Variants in TRPC4 observed in about 807,000 individuals in gnomAD.
TRPC4 encodes the protein transient receptor potential cation channel subfamily C member 4, also known as short transient receptor potential channel 4.
TRPC4 carries 49 observed loss-of-function variants against 99.4 expected under a neutral mutation model. That is an observed-to-expected ratio of 0.49 (90% CI 0.39 to 0.63). The LOEUF is 0.63. Ranked by LOEUF, TRPC4 falls within the 20% of genes least tolerant of loss-of-function variation. The pLI, the probability that TRPC4 is intolerant of heterozygous loss-of-function variation, is 0.00. For missense variants in TRPC4, 898 were observed against 1,152.9 expected, an observed-to-expected ratio of 0.78 and a Z score of 3.20; for synonymous variants, 454 against 425.9, an observed-to-expected ratio of 1.07 and a Z score of -0.81.
At chr13:37,801,191 A>G (rs993444164) in intron 1 of TRPC4, among the ~76,000 whole-genome samples, 20 of 152,206 alleles carry the variant, frequency 1.3e-4, no homozygotes, top group Non-Finnish European at 2.2e-4. Flanking sequence ...AAAGTTTTCT[A>G]AAATTGTTTT....
intron 1 of TRPC4, among the ~76,000 whole-genome samples, chr13:37,842,770 A>G (rs911039421): frequency 6.6e-6 from 1 of 152,190 alleles, no homozygotes; most frequent in African/African-American, 2.4e-5. Context: ...CAGGGTTAAG[A>G]TTTCAGCATA....
chr13:37,726,925 G>A (rs1955085455), intron 3 of TRPC4, among the ~76,000 whole-genome samples: 1 of 152,048 alleles, frequency 6.6e-6, no homozygotes, highest in Non-Finnish European at 1.5e-5. Context: ...CCTGATGATA[G>A]TTCATGAAAA....
intron 3 of TRPC4, among the ~76,000 whole-genome samples, chr13:37,715,326 G>A (rs1954622909): frequency 6.6e-6 from 1 of 152,148 alleles, no homozygotes; most frequent in Non-Finnish European, 1.5e-5. Context: ...AATCAACAAA[G>A]TAATGCATCT....
At chr13:37,774,864 T>C (rs148572695) in intron 2 of TRPC4, among the ~76,000 whole-genome samples, 371 of 151,900 alleles carry the variant, frequency 2.4e-3, no homozygotes, top group African/African-American at 8.2e-3. Flanking sequence ...AATCATAATA[T>C]GTATTTTCAT....
At chr13:37,817,453 A>G (rs893614287) in intron 1 of TRPC4, among the ~76,000 whole-genome samples, 1 of 152,024 alleles carries the variant, frequency 6.6e-6, no homozygotes, top group Non-Finnish European at 1.5e-5. Flanking sequence ...TATTGCCCAA[A>G]GCAAGTTATA....
chr13:37,720,357 G>A (rs1281606342), intron 3 of TRPC4, among the ~76,000 whole-genome samples: 10 of 152,110 alleles, frequency 6.6e-5, no homozygotes, highest in African/African-American at 2.2e-4. Context: ...ATCCTAGAAC[G>A]AAAGAGAATG....
At chr13:37,646,845 C>A (rs549812565) in intron 8 of TRPC4, among the ~76,000 whole-genome samples, 1 of 152,308 alleles carries the variant, frequency 6.6e-6, no homozygotes, top group East Asian at 1.9e-4. Context: ...GGATAGGCTG[C>A]CTTTTTCGTG....
In TRPC4 at chr13:37,655,095, A is replaced by T; in HGVS notation, c.1877T>A (p.Leu626Gln). ...LIAMMNNSYQLIADHADIEWK... is the reference protein window; with the variant it reads ...LIAMMNNSYQQIADHADIEWK... ...TAAAGCTGGTCAACTTACAGCAATC[A>T]GTTGGTAAGAATTATTCATCATAGC... The change falls in exon 7 of 11, where the codon CTG becomes CAG. Residue 626 changes from leucine (L) to glutamine (Q), a missense_variant. Transcript: ENST00000379705. 2 of 1,530,846 alleles carry T rather than the reference A, an allele frequency of 1.3e-6. No homozygotes were observed. Among genetic ancestry groups the T allele is most frequent in the Non-Finnish European group, 8.8e-7 (1 of 1,133,290 alleles). The allele number at this position is 1,530,846 out of a possible 1,614,324, so 94.8% of individuals were successfully genotyped here. A position where few individuals can be genotyped will look rare whatever the true frequency, so the allele number is the denominator to read the frequency against.
intron 2 of TRPC4, among the ~76,000 whole-genome samples, chr13:37,746,918 T>C (rs112729290): frequency 2.2e-4 from 33 of 152,144 alleles, no homozygotes; most frequent in African/African-American, 7.5e-4. Flanking sequence ...AGGTTTTGTC[T>C]TTTGTTTGTT....
intron 5 of TRPC4, among the ~76,000 whole-genome samples, chr13:37,671,721 G>C (rs1329733212): frequency 6.6e-6 from 1 of 152,074 alleles, no homozygotes; most frequent in African/African-American, 2.4e-5. Context: ...TAGAGGTGAA[G>C]AAACAGGCTC....
At chr13:37,758,688 C>T (rs1036313076) in intron 2 of TRPC4, among the ~76,000 whole-genome samples, 11 of 151,438 alleles carry the variant, frequency 7.3e-5, no homozygotes, top group Non-Finnish European at 1.6e-4. Context: ...CATGTGTATG[C>T]AGTACAAAAA....
chr13:37,761,170 T>A (rs1419415047), intron 2 of TRPC4, among the ~76,000 whole-genome samples: 2 of 151,944 alleles, frequency 1.3e-5, no homozygotes, highest in African/African-American at 4.8e-5. Context: ...ACATAAGCAA[T>A]AGCTAACCTG....
At chr13:37,741,795 G>A (rs994185661) in intron 3 of TRPC4, among the ~76,000 whole-genome samples, 12 of 152,102 alleles carry the variant, frequency 7.9e-5, no homozygotes, top group African/African-American at 2.4e-4. Context: ...TCAGCAGGAT[G>A]ATGTCTGGGT....
chr13:37,648,632 T>C (rs182541642), intron 8 of TRPC4, among the ~76,000 whole-genome samples: 3 of 152,112 alleles, frequency 2.0e-5, no homozygotes, highest in African/African-American at 4.8e-5. Flanking sequence ...AATTCAAATA[T>C]AAACACATAA....
intron 8 of TRPC4, among the ~76,000 whole-genome samples, chr13:37,648,102 G>A (rs765485440): frequency 9.9e-5 from 15 of 151,962 alleles, no homozygotes; most frequent in Admixed American, 2.0e-4. Context: ...GCCACCACGC[G>A]CAGCTAATTT....
intron 3 of TRPC4, among the ~76,000 whole-genome samples, chr13:37,720,657 T>C (rs900036103): frequency 2.0e-5 from 3 of 152,178 alleles, no homozygotes; most frequent in Admixed American, 6.6e-5. Context: ...CACCTAAATA[T>C]TGGCAAAACT....
At chr13:37,691,746 T>C (rs1953719285) in intron 4 of TRPC4, among the ~76,000 whole-genome samples, 1 of 152,184 alleles carries the variant, frequency 6.6e-6, no homozygotes, top group Non-Finnish European at 1.5e-5. Flanking sequence ...AGAGGGTCAG[T>C]CGTGGAATAT....
At chr13:37,779,787 T>C (rs911770251) in intron 2 of TRPC4, among the ~76,000 whole-genome samples, 1 of 152,100 alleles carries the variant, frequency 6.6e-6, no homozygotes, top group Non-Finnish European at 1.5e-5. Flanking sequence ...TTTGGTCTCA[T>C]AAGTCTTTTC....
chr13:37,688,803 C>T (rs1364510630), intron 4 of TRPC4, among the ~76,000 whole-genome samples: 1 of 152,090 alleles, frequency 6.6e-6, no homozygotes, highest in Non-Finnish European at 1.5e-5. Context: ...TTCCAGTCTA[C>T]CACTGAGACA....
Sources: gnomAD v4.1 joint callset for allele counts (sites outside exome capture counted in the v4.1 genomes callset) on GRCh38, gnomAD v4.1.1 for gene constraint, MANE v1.5 for transcripts, NCBI Gene and HGNC (gene_info 2026-07-23, HGNC 2026-07-21) for gene names.